The following EMP2 variants were observed in gnomAD, a reference collection of about 807,000 sequenced individuals.
The protein encoded by EMP2 is epithelial membrane protein 2.
Under a neutral mutation model 13.7 loss-of-function variants are expected in EMP2, and 19 were observed. The observed-to-expected ratio is 1.38, with a 90% CI of 0.97 to 2.03. The LOEUF is 2.03. EMP2 is among the 30% of genes most tolerant of loss of function. EMP2 has a pLI of 0.00. For synonymous variants in EMP2, 97 were observed against 84.7 expected (o/e 1.15, Z -0.80); for missense variants, 253 against 220.7 (o/e 1.15, Z -0.93).
rs2050612812 is a variant in EMP2 at position 10,532,656 on chromosome 16, T to G, written c.*249A>C. The G allele has an allele frequency of 3.7e-6, 1 of 269,588 alleles. No individual in the cohort carries two copies. Among genetic ancestry groups the G allele is most frequent in the South Asian group, 1.6e-4 (1 of 6,268 alleles). 16.7% of individuals were successfully genotyped at this position (269,588 alleles called of 1,614,324 possible). The stretch of plus-strand genomic sequence containing the variant: ...ATTTTTGCTTGTGTCTTGTTGAGAC[T>G]TTTGAGTGGGCAGCAGTTCTGAATA... On this transcript the variant is annotated 3_prime_UTR_variant, in exon 5 of 5. Transcript: ENST00000359543.
intron 1 of EMP2, among the ~76,000 whole-genome samples, chr16:10,564,666 C>G (rs911525247): frequency 6.6e-6 from 1 of 151,964 alleles, no homozygotes; most frequent in African/African-American, 2.4e-5. Flanking sequence ...TTTTCTTCCC[C>G]AGAAAGCCAG....
rs938864404 is a variant in EMP2, at chr16:10,543,480, G to A, written c.169+90C>T. On this transcript the variant is annotated intron_variant, in intron 3 of 4. Transcript: ENST00000359543. ...CGGAGTATGCAGTGAGTGGAGGAGA[G>A]GGTACGGAGTCGGGGAACCCGAAGC... 9 of 1,405,142 alleles carry A rather than the reference G, an allele frequency of 6.4e-6. No homozygotes were observed. In the African/African-American group the frequency reaches 8.6e-5, roughly 13 times the overall value. The allele number at this position is 1,405,142 out of a possible 1,614,324, so 87.0% of individuals were successfully genotyped here.
rs1443066541 is a variant in EMP2 at position 10,532,342 on chromosome 16, G to A, written c.*563C>T. On this transcript the variant is annotated 3_prime_UTR_variant, in exon 5 of 5. Transcript: ENST00000359543. The stretch of plus-strand genomic sequence containing the variant: ...TTTCTGACCCACCCCGATACCGGAG[G>A]GATGGCTGGGCTCTGGTTTGGATAC... 6.5e-6 allele frequency: 1 copy of A among 152,854 alleles called. No individual in the cohort carries two copies. The highest frequency in any genetic ancestry group is 1.5e-5 in the Non-Finnish European group (1 of 68,246). The allele number at this position is 152,854 out of a possible 1,614,324, so 9.5% of individuals were successfully genotyped here.
At chr16:10,543,536 T>G (rs369458860) in intron 3 of EMP2, 34 bp downstream of exon 3, 4 of 1,609,444 alleles carry the variant, frequency 2.5e-6, no homozygotes, top group Non-Finnish European at 3.4e-6. Context: ...CCTCCCTCAG[T>G]GCTTCTCAGT....
intron 4 of EMP2, among the ~76,000 whole-genome samples, chr16:10,536,773 G>T (rs2050650086): frequency 6.6e-6 from 1 of 152,138 alleles, no homozygotes; most frequent in Non-Finnish European, 1.5e-5. Context: ...GGTGTGCTCT[G>T]CCATGCTTGG....
chr16:10,542,665 G>T (rs2050709154), intron 3 of EMP2, among the ~76,000 whole-genome samples: 1 of 152,160 alleles, frequency 6.6e-6, no homozygotes, highest in East Asian at 1.9e-4. Flanking sequence ...GAAAAACAGT[G>T]GTTAGCATGT....
rs944277352 is a variant in EMP2 at position 10,534,147 on chromosome 16, G to C, written c.317-1055C>G. ...AAAGAAAAATATGACTGCCTGAAAA[G>C]AGAGCGATGAGGGAGGAGAAAGCTT... On this transcript the variant is annotated intron_variant, in intron 4 of 4. Transcript: ENST00000359543. Among the ~76,000 whole-genome samples the C allele has an allele frequency of 3.3e-5, 5 of 151,988 alleles. No individual in the cohort carries two copies. The East Asian group carries it at 9.6e-4, about 29-fold the overall frequency.
At chr16:10,557,634 G>A (rs2050841046) in intron 1 of EMP2, among the ~76,000 whole-genome samples, 1 of 152,064 alleles carries the variant, frequency 6.6e-6, no homozygotes, top group Non-Finnish European at 1.5e-5. Context: ...CAGTGAGGTG[G>A]ATCTCACTGT....
rs1008544974 is a variant in EMP2 at position 10,574,161 on chromosome 16, C to T, written c.-61+6388G>A. On this transcript the variant is annotated intron_variant, in intron 1 of 4. Transcript: ENST00000359543. ...CTATATTGGCCAGGCTGATCTTGAA[C>T]TCCTGAACTCAAGTGATCTGCCTGC... is the stretch of plus-strand genomic sequence containing the variant. Among the ~76,000 whole-genome samples, 6 of 152,234 alleles carry T rather than the reference C, an allele frequency of 3.9e-5. No homozygotes were observed. The South Asian group carries it at 1.2e-3, about 32-fold the overall frequency.
chr16:10,541,985 C>G (rs1406168208), intron 3 of EMP2, among the ~76,000 whole-genome samples: 1 of 152,158 alleles, frequency 6.6e-6, no homozygotes, highest in Non-Finnish European at 1.5e-5. Flanking sequence ...GATATTGTTA[C>G]TGAGTGTGGT....
chr16:10,543,773 T>G, intron 2 of EMP2, 113 bp from the exon 3 acceptor site: 1 of 962,592 alleles, frequency 1.0e-6, no homozygotes, highest in East Asian at 2.5e-5. Flanking sequence ...CTGCAACACA[T>G]GTGAGAATTG....
At chr16:10,536,142 G>T (rs1228687434) in intron 4 of EMP2, among the ~76,000 whole-genome samples, 1 of 152,212 alleles carries the variant, frequency 6.6e-6, no homozygotes, top group African/African-American at 2.4e-5. Flanking sequence ...CAGTAAAAGT[G>T]CCCCAAGGGG....
intron 1 of EMP2, among the ~76,000 whole-genome samples, chr16:10,558,124 G>C (rs1206152636): frequency 4.6e-5 from 7 of 151,792 alleles, no homozygotes; most frequent in Non-Finnish European, 8.8e-5. Flanking sequence ...CGAACTTTTG[G>C]GCTCAAGCGA....
Position 10,533,946 on chromosome 16 carries a change from C to G in EMP2, c.317-854G>C, listed in dbSNP as rs549630771. 2.4e-4 allele frequency among the ~76,000 whole-genome samples: 37 copies of G among 151,686 alleles called. 1 individual carries two copies. The South Asian group carries it at 2.9e-3, about 12-fold the overall frequency. ...CTGGCCAACATGGTGAAACCCCGTC[C>G]CTACTAAAAATACAAAAAATTAGCC... On this transcript the variant is annotated intron_variant, in intron 4 of 4. Transcript: ENST00000359543.
At chr16:10,556,175 T>A (rs1472279090) in intron 1 of EMP2, among the ~76,000 whole-genome samples, 1 of 152,214 alleles carries the variant, frequency 6.6e-6, no homozygotes, top group Non-Finnish European at 1.5e-5. Flanking sequence ...GAAAAACTCC[T>A]TTTCCCCTAG....
At chr16:10,575,804 A>G (rs1252986652) in intron 1 of EMP2, among the ~76,000 whole-genome samples, 1 of 152,098 alleles carries the variant, frequency 6.6e-6, no homozygotes, top group Non-Finnish European at 1.5e-5. Context: ...AGGTCATCAG[A>G]GTGGAATCAT....
At chr16:10,572,036 A>G (rs1283344312) in intron 1 of EMP2, among the ~76,000 whole-genome samples, 2 of 152,194 alleles carry the variant, frequency 1.3e-5, no homozygotes, top group African/African-American at 4.8e-5. Context: ...GCCACATTTT[A>G]CTCAAAACAT....
At chr16:10,547,712 T>C in intron 1 of EMP2, 35 bp from the exon 2 acceptor site, 2 of 1,271,070 alleles carry the variant, frequency 1.6e-6, no homozygotes, top group South Asian at 2.6e-5. Flanking sequence ...TCAAAATCTG[T>C]CAATGACAAA....
At chr16:10,568,073 A>C (rs2050921155) in intron 1 of EMP2, among the ~76,000 whole-genome samples, 1 of 152,192 alleles carries the variant, frequency 6.6e-6, no homozygotes, top group African/African-American at 2.4e-5. Flanking sequence ...AACACAGCAA[A>C]GGCTTAGCCA....
Sources: gnomAD v4.1 joint callset for allele counts (sites outside exome capture counted in the v4.1 genomes callset) on GRCh38, gnomAD v4.1.1 for gene constraint, MANE v1.5 for transcripts, NCBI Gene and HGNC (gene_info 2026-07-23, HGNC 2026-07-21) for gene names.